Variants in UBQLN1 observed in about 807,000 individuals in gnomAD.
UBQLN1 encodes ubiquilin 1.
In UBQLN1, 13 loss-of-function variants were observed where a neutral mutation model predicts 65.4. The ratio of observed to expected loss-of-function variants is 0.20; its 90% CI spans 0.13 to 0.32. UBQLN1 has a LOEUF of 0.32. Ranked by LOEUF, UBQLN1 falls within the 10% of genes least tolerant of loss-of-function variation. UBQLN1 has a pLI of 1.00. For missense variants in UBQLN1, 561 were observed against 724.0 expected (o/e 0.77, Z 2.58); for synonymous variants, 267 against 247.8 (o/e 1.08, Z -0.73).
chr9:83,706,263 T>C (rs1564175648), intron 1 of UBQLN1, among the ~76,000 whole-genome samples: 1 of 152,228 alleles, frequency 6.6e-6, no homozygotes, highest in Non-Finnish European at 1.5e-5. Flanking sequence ...GATAATCGAT[T>C]ATAATACCGT....
intron 10 of UBQLN1, among the ~76,000 whole-genome samples, chr9:83,663,544 G>T (rs1390765315): frequency 2.0e-5 from 3 of 152,052 alleles, no homozygotes; most frequent in Non-Finnish European, 4.4e-5. Flanking sequence ...TCCTCCCTAA[G>T]AACTTTTTTA....
At chr9:83,664,941 A>T in intron 9 of UBQLN1, 89 bp downstream of exon 9, 1 of 833,484 alleles carries the variant, frequency 1.2e-6, no homozygotes, top group Non-Finnish European at 1.7e-6. Context: ...AAAAAAAAAA[A>T]AAAAAGGCAG....
intron 1 of UBQLN1, 53 bp from the exon 2 acceptor site, chr9:83,686,208 A>T: frequency 7.9e-7 from 1 of 1,262,492 alleles, no homozygotes; most frequent in Admixed American, 3.1e-5. Context: ...AGCACCATAC[A>T]GTCTAGTTTC....
chr9:83,682,190 C>A (rs1008005086), intron 3 of UBQLN1, among the ~76,000 whole-genome samples: 1 of 152,052 alleles, frequency 6.6e-6, no homozygotes, highest in African/African-American at 2.4e-5. Context: ...GAGGCTGAGG[C>A]AGAAGAATCG....
Position 83,678,575 on chromosome 9 carries a change from C to T in UBQLN1, c.736G>A (p.Ala246Thr). Residue 246 changes from alanine (A) to threonine (T), a missense_variant, in exon 5 of 11, where the codon GCA becomes ACA. Transcript: ENST00000376395. ...RQTLELARNPAMMQEMMRNQD... is the reference protein window; with the variant it reads ...RQTLELARNPTMMQEMMRNQD... ...TTCCTCATCATCTCCTGCATCATTG[C>T]TGGATTCCTGGCAAGTTCCAACGTC... 1 of 1,609,054 alleles carries T rather than the reference C, an allele frequency of 6.2e-7. No homozygotes were observed. The highest frequency in any genetic ancestry group is 8.5e-7 in the Non-Finnish European group (1 of 1,178,528).
chr9:83,663,950 T>G lies in UBQLN1; in HGVS notation c.1542A>C (p.Thr514=). ...GATGTCCAGGTTCAGTGGTTCCTGC[T>G]GTGGGACTTGTGTTTTCACTAGGTG... ...NATPSENTSP[T]AGTTEPGHQQ... Residue 514 remains threonine (T), a synonymous_variant, in exon 10 of 11, where the codon ACA becomes ACC. Transcript: ENST00000376395. 2 of 1,614,206 alleles carry G rather than the reference T, an allele frequency of 1.2e-6. No homozygotes were observed. Among genetic ancestry groups the G allele is most frequent in the African/African-American group, 1.3e-5 (1 of 75,066 alleles).
chr9:83,705,631 C>T (rs1179408898), intron 1 of UBQLN1, among the ~76,000 whole-genome samples: 1 of 152,070 alleles, frequency 6.6e-6, no homozygotes, highest in East Asian at 1.9e-4. Context: ...AGTATATAAC[C>T]ATGAAAGATA....
chr9:83,680,531 C>A (rs1383526292), intron 3 of UBQLN1, among the ~76,000 whole-genome samples: 1 of 151,756 alleles, frequency 6.6e-6, no homozygotes, highest in Admixed American at 6.6e-5. Flanking sequence ...GAGCTCTATG[C>A]AAATTCTTCA....
chr9:83,666,528 G>A (rs1831645969), intron 7 of UBQLN1, 95 bp from the exon 8 acceptor site: 19 of 1,145,678 alleles, frequency 1.7e-5, no homozygotes, highest in Non-Finnish European at 2.5e-5. Context: ...GCCTCAGCTG[G>A]CACTTAAAAG....
intron 7 of UBQLN1, chr9:83,667,972 A>G (rs1364190238): frequency 2.0e-6 from 2 of 985,284 alleles, no homozygotes; most frequent in Non-Finnish European, 1.2e-6. Context: ...AAGTAAGATT[A>G]TTACAAAATT....
At chr9:83,677,104 C>T (rs995116373) in intron 6 of UBQLN1, among the ~76,000 whole-genome samples, 6 of 152,166 alleles carry the variant, frequency 3.9e-5, no homozygotes, top group African/African-American at 9.7e-5. Flanking sequence ...TCTGATGCAG[C>T]CAGTATAGCC....
At chr9:83,677,565 A>AAAAAC (rs138593223) in intron 6 of UBQLN1, among the ~76,000 whole-genome samples, 162 bp downstream of exon 6, 41,425 of 151,804 alleles carry the variant, frequency 0.27, 6,916 homozygotes, top group East Asian at 0.85. Context: ...TCTATCTCAA[A>AAAAAC]AAAACAAAAC....
At chr9:83,704,642 T>C (rs1832367257) in intron 1 of UBQLN1, among the ~76,000 whole-genome samples, 1 of 152,030 alleles carries the variant, frequency 6.6e-6, no homozygotes, top group Non-Finnish European at 1.5e-5. Context: ...CTGGCCAACA[T>C]GGTGAAACCC....
intron 6 of UBQLN1, among the ~76,000 whole-genome samples, chr9:83,671,167 A>G (rs1831723838): frequency 6.6e-6 from 1 of 152,052 alleles, no homozygotes; most frequent in African/African-American, 2.4e-5. Flanking sequence ...TGCTATTTCC[A>G]CTACTTCTAC....
At position 83,686,135 on chromosome 9, in the gene UBQLN1, T is replaced by C. The variant is rs1326508842; in HGVS notation, c.201A>G (p.Lys67=). 6.3e-7 allele frequency: 1 copy of C among 1,582,032 alleles called. No homozygotes were observed. The highest frequency in any genetic ancestry group is 8.6e-7 in the Non-Finnish European group (1 of 1,167,538). ...GTTGGTCAGTATGTGATTTAAAACG[T>C]TTAGAGATTTCTTCCTTAAACTAAA... ...SVQQFKEEIS[K]RFKSHTDQLV... The change falls in exon 2 of 11, where the codon AAA becomes AAG. Residue 67 remains lysine (K), a synonymous_variant. Coordinates refer to ENST00000376395, the MANE Select transcript of UBQLN1 (RefSeq NM_013438.5).
At position 83,707,788 on chromosome 9, in the gene UBQLN1, G is replaced by A. The variant is rs1028755662; in HGVS notation, c.-109C>T. 12 of 1,397,822 alleles carry A rather than the reference G, an allele frequency of 8.6e-6. No homozygotes were observed. In the Admixed American group the frequency reaches 3.8e-4, roughly 44 times the overall value. 86.6% of individuals were successfully genotyped at this position (1,397,822 alleles called of 1,614,324 possible). On this transcript the variant is annotated 5_prime_UTR_variant, in exon 1 of 11. Transcript: ENST00000376395. ...GCAGGCCTGGACAGCGAAGAATGCA[G>A]AGCACGCCGCCTCAGTAGCAACGGG...
intron 6 of UBQLN1, among the ~76,000 whole-genome samples, chr9:83,676,671 G>C (rs1055124068): frequency 1.3e-5 from 2 of 152,096 alleles, no homozygotes; most frequent in Admixed American, 1.3e-4. Context: ...TTCTCATTCT[G>C]ATTCTTCTTT....
intron 1 of UBQLN1, 116 bp downstream of exon 1, chr9:83,707,384 C>T: frequency 1.7e-6 from 2 of 1,178,720 alleles, no homozygotes; most frequent in East Asian, 5.7e-5. Flanking sequence ...GGGACGACGC[C>T]CGGGAGAATG....
At chr9:83,662,682 C>A (rs1205724205) in intron 10 of UBQLN1, among the ~76,000 whole-genome samples, 1 of 152,184 alleles carries the variant, frequency 6.6e-6, no homozygotes, top group Non-Finnish European at 1.5e-5. Flanking sequence ...TGAATATTTA[C>A]TGAGTACCTA....
Sources: allele counts gnomAD v4.1 joint callset (sites outside exome capture counted in the v4.1 genomes callset), GRCh38; gene constraint gnomAD v4.1.1; transcripts MANE v1.5; gene names NCBI Gene and HGNC (gene_info 2026-07-23, HGNC 2026-07-21).